The following MIGA1 variants were observed in gnomAD, a reference collection of about 807,000 sequenced individuals.
MIGA1 encodes the protein family with sequence similarity 73, member A.
In MIGA1, 58 loss-of-function variants were observed where a neutral mutation model predicts 82.0. The observed-to-expected ratio is 0.71, with a 90% CI of 0.57 to 0.88. MIGA1 has a LOEUF of 0.88. MIGA1 is among the 40% of genes least tolerant of loss of function. The pLI is 0.00. For synonymous variants in MIGA1, 249 were observed against 253.6 expected (o/e 0.98, Z 0.17); for missense variants, 751 against 749.1 (o/e 1.00, Z -0.03).
intron 7 of MIGA1, among the ~76,000 whole-genome samples, chr1:77,828,301 C>T (rs77771501): frequency 0.062 from 9,415 of 152,098 alleles, 522 homozygotes; most frequent in African/African-American, 0.15. Context: ...GAATCACCTT[C>T]ATAGGTTTTG....
chr1:77,795,239 A>T (rs1420816594), intron 2 of MIGA1, among the ~76,000 whole-genome samples: 1 of 152,124 alleles, frequency 6.6e-6, no homozygotes, highest in Non-Finnish European at 1.5e-5. Flanking sequence ...GCTGGGATTT[A>T]CAGGTGTGAG....
intron 8 of MIGA1, among the ~76,000 whole-genome samples, chr1:77,857,726 G>T (rs865875431): frequency 0.013 from 1,479 of 110,676 alleles, 21 homozygotes; most frequent in African/African-American, 0.043. Context: ...CTGGGTTGTT[G>T]TTTTTTTTTT....
In MIGA1 at chr1:77,799,208, A is replaced by G. The variant is rs1682776978; in HGVS notation, c.196-2123A>G. Reference sequence around the variant, plus strand: ...CTGGCTTTGATATTAACTGTCCCCAACTTAACAATTTTTTGACTTCAAGAT... The same window carrying G: ...CTGGCTTTGATATTAACTGTCCCCAGCTTAACAATTTTTTGACTTCAAGAT... On this transcript the variant is annotated intron_variant, in intron 2 of 15. Coordinates refer to ENST00000370791, the MANE Select transcript of MIGA1 (RefSeq NM_198549.4). 2.6e-5 allele frequency among the ~76,000 whole-genome samples: 4 copies of G among 152,146 alleles called. No homozygotes were observed. In the South Asian group the frequency reaches 8.3e-4, roughly 32 times the overall value.
intron 7 of MIGA1, among the ~76,000 whole-genome samples, chr1:77,841,389 A>G (rs1557922385): frequency 6.6e-6 from 1 of 151,266 alleles, no homozygotes; most frequent in Non-Finnish European, 1.5e-5. Context: ...GCTTAATAGG[A>G]ATGAACCTTG....
At chr1:77,811,196 G>C (rs1683314057) in intron 5 of MIGA1, 4 of 1,546,108 alleles carry the variant, frequency 2.6e-6, no homozygotes, top group Admixed American at 1.7e-5. Flanking sequence ...ATGCCATTCA[G>C]ATCCTTTACA....
At chr1:77,789,470 A>C (rs1265882370) in intron 2 of MIGA1, among the ~76,000 whole-genome samples, 3 of 152,154 alleles carry the variant, frequency 2.0e-5, no homozygotes, top group Middle Eastern at 3.4e-3. Context: ...TTGGCCTCCC[A>C]AAGTGCTAGG....
intron 8 of MIGA1, among the ~76,000 whole-genome samples, chr1:77,844,502 A>G (rs1302113144): frequency 6.6e-6 from 1 of 152,176 alleles, no homozygotes; most frequent in Non-Finnish European, 1.5e-5. Flanking sequence ...TTTATTTTTC[A>G]CTGAGATTTA....
intron 12 of MIGA1, 48 bp from the exon 13 acceptor site, chr1:77,863,846 C>T: frequency 7.4e-7 from 1 of 1,358,666 alleles, no homozygotes; most frequent in Non-Finnish European, 1.0e-6. Flanking sequence ...GATTTTATTT[C>T]AGCTCTATGT....
intron 8 of MIGA1, 108 bp downstream of exon 8, chr1:77,843,515 C>A: frequency 1.3e-6 from 1 of 787,756 alleles, no homozygotes; most frequent in Non-Finnish European, 2.1e-6. Flanking sequence ...TTAGCACGTA[C>A]CATGTGGTAG....
At chr1:77,804,172 A>G (rs908624402) in intron 4 of MIGA1, among the ~76,000 whole-genome samples, 6 of 152,174 alleles carry the variant, frequency 3.9e-5, no homozygotes, top group Admixed American at 3.9e-4. Context: ...TCACTTGATG[A>G]GCCTACATAG....
chr1:77,863,750 T>C (rs1685557598), intron 12 of MIGA1, 144 bp from the exon 13 acceptor site: 1 of 579,826 alleles, frequency 1.7e-6, no homozygotes, highest in Admixed American at 4.0e-5. Flanking sequence ...CGAGCTTTCA[T>C]ATTTATCTCT....
intron 3 of MIGA1, among the ~76,000 whole-genome samples, chr1:77,802,188 C>T (rs921171437): frequency 4.6e-5 from 7 of 152,246 alleles, no homozygotes; most frequent in Middle Eastern, 3.4e-3. Flanking sequence ...TTTTGTGAGT[C>T]ATCTGTCCAG....
At chr1:77,859,603 C>T in intron 10 of MIGA1, 1 of 493,254 alleles carries the variant, frequency 2.0e-6, no homozygotes, top group South Asian at 4.0e-5. Context: ...AGGCCCACGA[C>T]ACTTTGTCAA....
At chr1:77,855,949 G>C (rs1286942203) in intron 8 of MIGA1, among the ~76,000 whole-genome samples, 1 of 152,092 alleles carries the variant, frequency 6.6e-6, no homozygotes, top group African/African-American at 2.4e-5. Context: ...AGTGGTGAGA[G>C]TGGGCATCCT....
intron 8 of MIGA1, among the ~76,000 whole-genome samples, chr1:77,853,147 A>G (rs1443288520): frequency 6.6e-6 from 1 of 152,240 alleles, no homozygotes; most frequent in Non-Finnish European, 1.5e-5. Context: ...AGTCTCCTCC[A>G]CAAAGCAAAA....
chr1:77,811,656 T>C, intron 5 of MIGA1: 1 of 1,612,124 alleles, frequency 6.2e-7, no homozygotes, highest in South Asian at 1.1e-5. Flanking sequence ...CCTCCTTTTG[T>C]AGATGTCTTG....
At chr1:77,789,220 T>TC (rs1406468687) in intron 2 of MIGA1, among the ~76,000 whole-genome samples, 5 of 149,040 alleles carry the variant, frequency 3.4e-5, no homozygotes, top group Non-Finnish European at 7.4e-5. Flanking sequence ...TTTTTTTTTT[T>TC]TCTTTGAGAC....
intron 7 of MIGA1, among the ~76,000 whole-genome samples, chr1:77,825,193 G>T (rs1465548336): frequency 6.6e-6 from 1 of 151,784 alleles, no homozygotes; most frequent in Non-Finnish European, 1.5e-5. Context: ...TTTTAGTTGA[G>T]GCGGAGTTTC....
At chr1:77,808,929 A>G (rs1330549787) in intron 5 of MIGA1, among the ~76,000 whole-genome samples, 1 of 152,214 alleles carries the variant, frequency 6.6e-6, no homozygotes, top group Non-Finnish European at 1.5e-5. Flanking sequence ...TAGGAAACTT[A>G]ACATTCACAG....
Sources: allele counts gnomAD v4.1 joint callset (sites outside exome capture counted in the v4.1 genomes callset), GRCh38; gene constraint gnomAD v4.1.1; transcripts MANE v1.5; gene names NCBI Gene and HGNC (gene_info 2026-07-23, HGNC 2026-07-21).